Variants in CA4 observed in about 807,000 individuals in gnomAD.
The protein encoded by CA4 is carbonic anhydrase 4.
Under a neutral mutation model 34.5 loss-of-function variants are expected in CA4, and 24 were observed. That is an observed-to-expected ratio of 0.70 (90% CI 0.50 to 0.98). The LOEUF (loss-of-function observed/expected upper bound fraction) is 0.98. Ranked by LOEUF, CA4 falls within the 50% of genes least tolerant of loss-of-function variation. The probability of loss-of-function intolerance (pLI) is 0.00; values close to 1 mark genes in which losing one functional copy is unlikely to be tolerated. For synonymous variants in CA4, 178 were observed against 170.6 expected, an observed-to-expected ratio of 1.04 and a Z score of -0.34; for missense variants, 394 against 396.7, an observed-to-expected ratio of 0.99 and a Z score of 0.06.
At chr17:60,161,305 C>T (rs1472806061), downstream of CA4, among the ~76,000 whole-genome samples, 1 of 152,030 alleles carries the variant, frequency 6.6e-6, no homozygotes, top group East Asian at 1.9e-4. Context: ...CAGGTCAGGC[C>T]CCAGGTGCCA....
intron 3 of CA4, chr17:60,157,002 C>A: frequency 1.9e-6 from 1 of 539,042 alleles, no homozygotes; most frequent in Non-Finnish European, 3.3e-6. Context: ...AGAGGACTGC[C>A]AGGAGCTCTG....
chr17:60,171,726 C>G (rs2083912635), downstream of CA4, among the ~76,000 whole-genome samples: 1 of 152,224 alleles, frequency 6.6e-6, no homozygotes, highest in Admixed American at 6.5e-5. Flanking sequence ...CGGAGTAACT[C>G]CAACCTCATC....
chr17:60,157,936 G>A (rs2083721459), intron 5 of CA4, 125 bp from the exon 6 acceptor site: 2 of 1,554,844 alleles, frequency 1.3e-6, no homozygotes, highest in African/African-American at 2.7e-5. Context: ...CCCCGGGCCA[G>A]GTGGGGAGCC....
At chr17:60,156,756 G>C in intron 3 of CA4, 41 bp downstream of exon 3, 1 of 1,588,384 alleles carries the variant, frequency 6.3e-7, no homozygotes, top group Non-Finnish European at 8.6e-7. Flanking sequence ...GGGCACCCGA[G>C]TTCCCCAAGG....
At chr17:60,152,772 G>A (rs1042964773) in intron 1 of CA4, among the ~76,000 whole-genome samples, 10 of 152,216 alleles carry the variant, frequency 6.6e-5, no homozygotes. Flanking sequence ...AATGCCCTCT[G>A]ATTTATTATC....
the CA4 span, among the ~76,000 whole-genome samples, chr17:60,178,316 A>AT: frequency 6.6e-6 from 1 of 152,212 alleles, no homozygotes; most frequent in Admixed American, 6.5e-5. Flanking sequence ...ACAACCACTA[A>AT]TTGTGAAACG....
At chr17:60,175,976 C>T in the CA4 span, among the ~76,000 whole-genome samples, 1 of 151,890 alleles carries the variant, frequency 6.6e-6, no homozygotes, top group Non-Finnish European at 1.5e-5. Context: ...ACCACCACGC[C>T]CGGCTAATTT....
chr17:60,156,051 C>T (rs961610920), intron 2 of CA4, among the ~76,000 whole-genome samples: 9 of 152,270 alleles, frequency 5.9e-5, no homozygotes, highest in African/African-American at 2.2e-4. Flanking sequence ...CCAGCTCCTC[C>T]AGGGTTACTC....
chr17:60,163,662 G>A (rs796510490), downstream of CA4, among the ~76,000 whole-genome samples: 12 of 152,288 alleles, frequency 7.9e-5, no homozygotes, highest in African/African-American at 2.2e-4. Context: ...GAAGAGCTGC[G>A]GGACAGAAGA....
intron 2 of CA4, among the ~76,000 whole-genome samples, chr17:60,155,597 AAC>A (rs1168837195): frequency 3.4e-5 from 5 of 148,820 alleles, no homozygotes; most frequent in East Asian, 2.0e-4. Flanking sequence ...ACACACACAC[AAC>A]ACACACACAA....
In CA4 at chr17:60,159,439, A is replaced by T; in HGVS notation, c.*15A>T. 1 of 1,609,188 alleles carries T rather than the reference A, an allele frequency of 6.2e-7. No individual in the cohort carries two copies. The highest frequency in any genetic ancestry group is 8.5e-7 in the Non-Finnish European group (1 of 1,179,180). ...TCCTGCGATGATGGCTCACTTCTGC[A>T]CGCAGCCTCTCTGTTGCCTCAGCTC... On this transcript the variant is annotated 3_prime_UTR_variant, in exon 8 of 8. Transcript: ENST00000300900.
chr17:60,151,243 C>T lies in CA4; in HGVS notation c.58+1151C>T, dbSNP rs8069633. Among the ~76,000 whole-genome samples, 992 of 152,146 alleles carry T rather than the reference C, an allele frequency of 6.5e-3. 11 individuals are homozygous for T. The highest frequency in any genetic ancestry group is 0.023 in the African/African-American group (936 of 41,484). ...GTCCACGCAGGCTGAAACCTCCTCT[C>T]CCAAGTTAGGTGCTCCATCCTCAAA... is the stretch of plus-strand genomic sequence containing the variant. On this transcript the variant is annotated intron_variant, in intron 1 of 7. Coordinates refer to ENST00000300900, the MANE Select transcript of CA4 (RefSeq NM_000717.5).
chr17:60,169,221 T>C (rs918895986), intron 5 of CA4, among the ~76,000 whole-genome samples: 1 of 146,220 alleles, frequency 6.8e-6, no homozygotes, highest in Non-Finnish European at 1.5e-5. Context: ...CACTCCAGCC[T>C]GGGCAACAGA....
chr17:60,150,108 C>G lies in CA4; in HGVS notation c.58+16C>G. ...GCCAGTGCAGGTGAGCTCCCGGGCT[C>G]CGGCCCCAGGTGCCCCTCGGCGGTC... On this transcript the variant is annotated intron_variant, in intron 1 of 7. Transcript: ENST00000300900. 6.3e-7 allele frequency: 1 copy of G among 1,592,350 alleles called. No individual in the cohort carries two copies. The highest frequency in any genetic ancestry group is 8.5e-7 in the Non-Finnish European group (1 of 1,176,196).
chr17:60,162,046 C>T (rs529591843), downstream of CA4, among the ~76,000 whole-genome samples: 9 of 152,168 alleles, frequency 5.9e-5, no homozygotes. Flanking sequence ...CTCCCCATCC[C>T]CCTGGTCCCT....
the CA4 span, among the ~76,000 whole-genome samples, chr17:60,176,215 A>G: frequency 1.3e-5 from 2 of 152,318 alleles, no homozygotes; most frequent in African/African-American, 4.8e-5. Flanking sequence ...GTAAAAAAAC[A>G]AACAACAAAA....
chr17:60,163,596 C>T (rs534617947), downstream of CA4, among the ~76,000 whole-genome samples: 10 of 152,310 alleles, frequency 6.6e-5, no homozygotes, highest in East Asian at 1.2e-3. Context: ...CAAAGGCATT[C>T]TTTCCCCCAG....
chr17:60,166,488 T>C (rs1455840156), intron 5 of CA4, among the ~76,000 whole-genome samples: 1 of 152,216 alleles, frequency 6.6e-6, no homozygotes, highest in African/African-American at 2.4e-5. Context: ...CTATGTAAAA[T>C]TGCTAGATAT....
At chr17:60,155,392 T>G in intron 2 of CA4, 25 bp downstream of exon 2, 1 of 1,585,000 alleles carries the variant, frequency 6.3e-7, no homozygotes, top group Non-Finnish European at 8.6e-7. Context: ...TCCAGGGGAC[T>G]GCTCTTTGTG....
Sources: gnomAD v4.1 joint callset for allele counts (sites outside exome capture counted in the v4.1 genomes callset) on GRCh38, gnomAD v4.1.1 for gene constraint, MANE v1.5 for transcripts, NCBI Gene and HGNC (gene_info 2026-07-23, HGNC 2026-07-21) for gene names.